CALB1: variants seen among roughly 807,000 people sequenced by gnomAD.
CALB1 encodes calbindin.
CALB1 carries 16 observed loss-of-function variants against 46.7 expected under a neutral mutation model. The ratio of observed to expected loss-of-function variants is 0.34; its 90% CI spans 0.23 to 0.52. The LOEUF is 0.52. Among genes scored for constraint, CALB1 ranks in the 20% least tolerant of loss-of-function variants. The pLI is 0.95. For synonymous variants in CALB1, 90 were observed against 112.8 expected (o/e 0.80, Z 1.28); for missense variants, 224 against 300.3 (o/e 0.75, Z 1.88).
chr8:90,080,261 C>T (rs1814705510), intron 2 of CALB1, among the ~76,000 whole-genome samples: 1 of 151,690 alleles, frequency 6.6e-6, no homozygotes, highest in Admixed American at 6.6e-5. Flanking sequence ...TCTAAATCTC[C>T]AACATGAAGA....
chr8:90,067,001 T>C (rs1209057964), intron 5 of CALB1, among the ~76,000 whole-genome samples: 1 of 152,108 alleles, frequency 6.6e-6, no homozygotes, highest in African/African-American at 2.4e-5. Context: ...TTTTCTTAGT[T>C]TGATAAAAAT....
intron 5 of CALB1, 41 bp from the exon 6 acceptor site, chr8:90,066,016 T>C: frequency 8.0e-7 from 1 of 1,247,696 alleles, no homozygotes; most frequent in Non-Finnish European, 1.2e-6. Flanking sequence ...TCATTAATAA[T>C]ATATCGTCTA....
chr8:90,068,899 T>G, intron 5 of CALB1, 99 bp downstream of exon 5: 4 of 780,226 alleles, frequency 5.1e-6, no homozygotes, highest in African/African-American at 3.5e-5. Context: ...CTGTTCAACA[T>G]TAGTTTCTTT....
intron 2 of CALB1, chr8:90,081,431 G>T: frequency 1.0e-6 from 1 of 971,726 alleles, no homozygotes; most frequent in Non-Finnish European, 1.2e-6. Flanking sequence ...GTGAGGACAA[G>T]ATGTTTTCTC....
rs567449472 is a variant in CALB1, at chr8:90,082,626, G to C, written c.72C>G (p.Asp24Glu). The change falls in exon 1 of 11, where the codon GAC becomes GAG. Residue 24 changes from aspartate to glutamate, a missense_variant. Asp to Glu is a conservative substitution (Grantham distance 45, BLOSUM62 2). Coordinates refer to ENST00000265431, the MANE Select transcript of CALB1 (RefSeq NM_004929.4). ...SQFFEIWLHF[D>E]ADGSGYLEGK... is the part of the protein sequence containing the mutation. ...AAAAGAGAAGATAATCACCGTCAGC[G>C]TCGAAATGGAGCCAGATCTCGAAAA... is the stretch of plus-strand genomic sequence containing the variant. The C allele has an allele frequency of 6.2e-7, 1 of 1,613,272 alleles. No individual in the cohort carries two copies. The highest frequency in any genetic ancestry group is 1.7e-5 in the Admixed American group (1 of 60,026).
At chr8:90,069,921 T>C (rs1193007539) in intron 3 of CALB1, among the ~76,000 whole-genome samples, 1 of 152,038 alleles carries the variant, frequency 6.6e-6, no homozygotes, top group East Asian at 1.9e-4. Context: ...CTCCACGGCA[T>C]GCCTCTATGA....
chr8:90,078,498 T>G, intron 2 of CALB1, 51 bp from the exon 3 acceptor site: 1 of 1,025,464 alleles, frequency 9.8e-7, no homozygotes, highest in East Asian at 2.4e-5. Context: ...ATACCAGTTA[T>G]GCTTGTGATG....
intron 2 of CALB1, 25 bp from the exon 3 acceptor site, chr8:90,078,472 G>A (rs752860374): frequency 3.0e-5 from 42 of 1,381,864 alleles, no homozygotes; most frequent in Non-Finnish European, 3.9e-5. Flanking sequence ...AAGCAGGTAG[G>A]AGGTTTGTTA....
intron 5 of CALB1, among the ~76,000 whole-genome samples, chr8:90,066,680 T>A (rs1443685877): frequency 6.6e-6 from 1 of 152,066 alleles, no homozygotes; most frequent in Non-Finnish European, 1.5e-5. Flanking sequence ...ATTATTAACT[T>A]GACACCTGGA....
intron 3 of CALB1, among the ~76,000 whole-genome samples, chr8:90,071,415 A>G (rs1182219072): frequency 1.3e-5 from 2 of 152,062 alleles, no homozygotes; most frequent in African/African-American, 4.8e-5. Context: ...AAGGGGGAAG[A>G]GGAGAAGGGA....
chr8:90,063,192 A>G (rs1387450972), intron 8 of CALB1, 39 bp from the exon 9 acceptor site: 1 of 1,545,716 alleles, frequency 6.5e-7, no homozygotes, highest in East Asian at 2.2e-5. Flanking sequence ...AAATGTTATT[A>G]CTATGTTTCA....
At chr8:90,082,350 T>C in intron 1 of CALB1, 1 of 600,510 alleles carries the variant, frequency 1.7e-6, no homozygotes, top group South Asian at 2.1e-5. Context: ...GGGGCAGCAT[T>C]CCCCAATCCC....
intron 3 of CALB1, among the ~76,000 whole-genome samples, chr8:90,077,954 A>G (rs1053286043): frequency 6.6e-6 from 1 of 152,038 alleles, no homozygotes; most frequent in African/African-American, 2.4e-5. Context: ...TATATTTTAA[A>G]AGTCAAGTCT....
chr8:90,081,756 C>T (rs1814735505), intron 2 of CALB1, among the ~76,000 whole-genome samples: 1 of 152,030 alleles, frequency 6.6e-6, no homozygotes, highest in Non-Finnish European at 1.5e-5. Context: ...CTGTCTCTCT[C>T]TGTCTGTCTC....
In CALB1 at chr8:90,065,949, T is replaced by C; in HGVS notation, c.399A>G (p.Lys133=). Residue 133 remains lysine (K), a synonymous_variant, in exon 6 of 11, where the codon AAA becomes AAG. Transcript: ENST00000265431. The stretch of plus-strand genomic sequence containing the variant: ...TTGTGTCATCAACAGTCTTGTTTGC[T>C]TTTTCTAGCAGGTCCTTTAGAAAGT... ...LKNFLKDLLE[K]ANKTVDDTKL... is the part of the protein sequence containing the mutation. 5.0e-6 allele frequency: 8 copies of C among 1,610,600 alleles called. No individual in the cohort carries two copies. Among genetic ancestry groups the C allele is most frequent in the Non-Finnish European group, 6.8e-6 (8 of 1,177,220 alleles).
intron 2 of CALB1, among the ~76,000 whole-genome samples, chr8:90,080,882 C>T (rs1264440403): frequency 3.9e-5 from 6 of 151,956 alleles, no homozygotes; most frequent in Admixed American, 3.9e-4. Flanking sequence ...ATATATCACT[C>T]AATATTAGAG....
chr8:90,071,387 A>C (rs1814512747), intron 3 of CALB1, among the ~76,000 whole-genome samples: 1 of 152,066 alleles, frequency 6.6e-6, no homozygotes, highest in Non-Finnish European at 1.5e-5. Flanking sequence ...CCTAGAATGT[A>C]GGTCTCCCCC....
chr8:90,079,007 A>G (rs966704896), intron 2 of CALB1, among the ~76,000 whole-genome samples: 9 of 152,048 alleles, frequency 5.9e-5, no homozygotes, highest in African/African-American at 2.2e-4. Flanking sequence ...AAAATTAAAT[A>G]GATTAGAGAG....
chr8:90,076,086 A>G (rs903051657), intron 3 of CALB1, among the ~76,000 whole-genome samples: 2 of 151,990 alleles, frequency 1.3e-5, no homozygotes, highest in African/African-American at 4.8e-5. Context: ...AAACCTTCCA[A>G]TCAGTTTATA....
Sources: gnomAD v4.1 joint callset for allele counts (sites outside exome capture counted in the v4.1 genomes callset) on GRCh38, gnomAD v4.1.1 for gene constraint, MANE v1.5 for transcripts, NCBI Gene and HGNC (gene_info 2026-07-23, HGNC 2026-07-21) for gene names.